ZNF496: variants seen among roughly 807,000 people sequenced by gnomAD.
The protein encoded by ZNF496 is NSD1 (nuclear receptor binding SET-domain containing 1)-interacting zinc finger protein 1.
A neutral mutation model predicts 58.9 loss-of-function variants in ZNF496; 11 were observed. The ratio of observed to expected loss-of-function variants is 0.19; its 90% CI spans 0.12 to 0.31. The LOEUF (loss-of-function observed/expected upper bound fraction) is 0.31, where lower values mean the gene tolerates loss of function less well. Ranked by LOEUF, ZNF496 falls within the 10% of genes least tolerant of loss-of-function variation. ZNF496 has a pLI of 1.00. For synonymous variants in ZNF496, 338 were observed against 318.2 expected, an observed-to-expected ratio of 1.06 and a Z score of -0.66; for missense variants, 660 against 783.0, an observed-to-expected ratio of 0.84 and a Z score of 1.88.
chr1:247,308,629 C>T lies in ZNF496; in HGVS notation c.893-41G>A. 1 of 1,568,436 alleles carries T rather than the reference C, an allele frequency of 6.4e-7. No individual in the cohort carries two copies. The highest frequency in any genetic ancestry group is 8.8e-7 in the Non-Finnish European group (1 of 1,139,048). On this transcript the variant is annotated intron_variant, in intron 8 of 9. Transcript: ENST00000682384. This position sits in a 1 kb window ranked among gnomAD's most constrained non-coding sequence, Gnocchi z 4.5. Reference sequence around the variant, plus strand: ...AATGGAAAAATTGATTTGTTTTGCACCTACAGCACTACCTGGGAGGGTGCT... The same window carrying T: ...AATGGAAAAATTGATTTGTTTTGCATCTACAGCACTACCTGGGAGGGTGCT...
At chr1:247,314,512 T>C (rs1659709755) in intron 6 of ZNF496, among the ~76,000 whole-genome samples, 1 of 152,252 alleles carries the variant, frequency 6.6e-6, no homozygotes, top group Non-Finnish European at 1.5e-5. Flanking sequence ...AATAAAGCAG[T>C]CCTTTATATA....
In ZNF496 at chr1:247,309,472, A is replaced by T; in HGVS notation, c.892+227T>A. On this transcript the variant is annotated intron_variant, in intron 8 of 9. Coordinates refer to ENST00000682384, the MANE Select transcript of ZNF496 (RefSeq NM_032752.3). This position sits in a 1 kb window ranked among gnomAD's most constrained non-coding sequence, Gnocchi z 4.3. ...GAGAAAGACATTCCTATTATTTCCC[A>T]GTCCTTGGCCAAGGGAGTACAATTC... The T allele has an allele frequency of 7.3e-7, 1 of 1,378,258 alleles. No homozygotes were observed. The highest frequency in any genetic ancestry group is 9.3e-7 in the Non-Finnish European group (1 of 1,069,784). The allele number at this position is 1,378,258 out of a possible 1,614,324, so 85.4% of individuals were successfully genotyped here. A position where few individuals can be genotyped will look rare whatever the true frequency, so the allele number is the denominator to read the frequency against.
chr1:247,325,853 A>G (rs1306888619), intron 5 of ZNF496, among the ~76,000 whole-genome samples: 1 of 151,958 alleles, frequency 6.6e-6, no homozygotes, highest in Non-Finnish European at 1.5e-5. Flanking sequence ...ATATGTAGCT[A>G]TCCCAGATAT....
At chr1:247,313,501 C>T (rs1659673483) in intron 6 of ZNF496, 2 of 152,276 alleles carry the variant, frequency 1.3e-5, no homozygotes, top group Admixed American at 6.5e-5. Flanking sequence ...AGAAACAGGT[C>T]TTCCTCCTCA....
At chr1:247,330,310 G>C (rs1660279235) in intron 2 of ZNF496, among the ~76,000 whole-genome samples, 1 of 152,190 alleles carries the variant, frequency 6.6e-6, no homozygotes, top group Non-Finnish European at 1.5e-5. Flanking sequence ...AGTATCAGTG[G>C]TTTCCTATGA....
In ZNF496 at chr1:247,300,265, C is replaced by T. The variant is rs1223542506; in HGVS notation, c.*254G>A. 4.9e-6 allele frequency: 2 copies of T among 404,166 alleles called. No homozygotes were observed. Among genetic ancestry groups the T allele is most frequent in the Non-Finnish European group, 8.8e-6 (2 of 226,458 alleles). The allele number at this position is 404,166 out of a possible 1,614,324, so 25.0% of individuals were successfully genotyped here. On this transcript the variant is annotated 3_prime_UTR_variant, in exon 10 of 10. Coordinates refer to ENST00000682384, the MANE Select transcript of ZNF496 (RefSeq NM_032752.3). The surrounding 1 kb of genome is among the most constrained non-coding windows in gnomAD (Gnocchi z 5.7). ...CTAAGACGCAGAACACCTGGCATGT[C>T]CAACCTGGTGATGGCACATCCCCCC...
chr1:247,320,092 T>G (rs914834047), intron 6 of ZNF496, among the ~76,000 whole-genome samples: 1 of 152,146 alleles, frequency 6.6e-6, no homozygotes, highest in African/African-American at 2.4e-5. Flanking sequence ...CTTACAAAAC[T>G]TACCAACTTT....
intron 5 of ZNF496, among the ~76,000 whole-genome samples, chr1:247,323,654 T>C (rs1451784227): frequency 1.3e-5 from 2 of 151,912 alleles, no homozygotes; most frequent in African/African-American, 4.8e-5. Context: ...TGGTGGTACA[T>C]GCCTGTAATC....
intron 2 of ZNF496, among the ~76,000 whole-genome samples, chr1:247,330,717 C>T (rs1021975992): frequency 4.6e-5 from 7 of 152,258 alleles, no homozygotes; most frequent in Admixed American, 1.3e-4. Flanking sequence ...ATCCTTAGGA[C>T]CGGCAGTGCC....
Position 247,309,349 on chromosome 1 carries a change from C to G in ZNF496, c.892+350G>C. The G allele has an allele frequency of 7.3e-6, 8 of 1,092,888 alleles. No individual in the cohort carries two copies. Among genetic ancestry groups the G allele is most frequent in the Non-Finnish European group, 8.9e-6 (8 of 894,188 alleles). 67.7% of individuals were successfully genotyped at this position (1,092,888 alleles called of 1,614,324 possible). On this transcript the variant is annotated intron_variant, in intron 8 of 9. Coordinates refer to ENST00000682384, the MANE Select transcript of ZNF496 (RefSeq NM_032752.3). The surrounding 1 kb of genome is among the most constrained non-coding windows in gnomAD (Gnocchi z 4.3). Reference sequence around the variant, plus strand: ...CTGCGCTCGGTGCCCAGTTAGGAGACACTCCCTCTGCAACTAGGCTTGTCA... The same window carrying G: ...CTGCGCTCGGTGCCCAGTTAGGAGAGACTCCCTCTGCAACTAGGCTTGTCA...
Position 247,329,460 on chromosome 1 carries a change from G to C in ZNF496, c.119C>G (p.Ser40Cys), listed in dbSNP as rs1660246912. The part of the protein sequence containing the change: ...SPQGELPSPE[S>C]SRRLFRRFRY... ...GAAACGGCGGAAGAGACGCCGAGAG[G>C]ACTCGGGGCTGGGAAGCTCCCCCTG... The change falls in exon 4 of 10, where the codon TCC (serine) becomes TGC (cysteine). Residue 40 changes from serine to cysteine, a missense_variant. Ser to Cys is a moderately radical substitution (Grantham distance 112). Coordinates refer to ENST00000682384, the MANE Select transcript of ZNF496 (RefSeq NM_032752.3). The surrounding 1 kb of genome is among the most constrained non-coding windows in gnomAD (Gnocchi z 5.5). 1 of 1,611,820 alleles carries C rather than the reference G, an allele frequency of 6.2e-7. No homozygotes were observed. The highest frequency in any genetic ancestry group is 8.5e-7 in the Non-Finnish European group (1 of 1,179,190).
intron 5 of ZNF496, among the ~76,000 whole-genome samples, chr1:247,326,673 A>G (rs1002651325): frequency 6.6e-6 from 1 of 152,074 alleles, no homozygotes; most frequent in African/African-American, 2.4e-5. Context: ...TCAAATTCCT[A>G]TGTTGAAGCC....
chr1:247,298,454 G>T lies in ZNF496; in HGVS notation c.*2065C>A. 6.6e-6 allele frequency: 1 copy of T among 152,458 alleles called. No homozygotes were observed. The highest frequency in any genetic ancestry group is 1.5e-5 in the Non-Finnish European group (1 of 68,156). 9.4% of individuals were successfully genotyped at this position (152,458 alleles called of 1,614,324 possible). On this transcript the variant is annotated 3_prime_UTR_variant, in exon 10 of 10. Transcript: ENST00000682384. ...TCCCACCTCAGCCTCCAGAGTAGCT[G>T]GGACCGCAAACGTCAACACCACACC...
Position 247,299,780 on chromosome 1 carries a change from T to C in ZNF496, c.*739A>G, listed in dbSNP as rs1456905236. ...GCAACACAAATTAAAATGTAAGCTT[T>C]GTTTTTGGTGAGCTCCAGATCCCTA... On this transcript the variant is annotated 3_prime_UTR_variant, in exon 10 of 10. Coordinates refer to ENST00000682384, the MANE Select transcript of ZNF496 (RefSeq NM_032752.3). The C allele has an allele frequency of 6.6e-6, 1 of 152,238 alleles. No homozygotes were observed. Among genetic ancestry groups the C allele is most frequent in the African/African-American group, 2.4e-5 (1 of 41,456 alleles). The allele number at this position is 152,238 out of a possible 1,614,324, so 9.4% of individuals were successfully genotyped here. A position where few individuals can be genotyped will look rare whatever the true frequency, so the allele number is the denominator to read the frequency against.
At chr1:247,307,528 T>C (rs1659452793) in intron 9 of ZNF496, 1 of 985,268 alleles carries the variant, frequency 1.0e-6, no homozygotes, top group Non-Finnish European at 1.2e-6. Context: ...CCCAAATGAA[T>C]GCATCACTCT....
chr1:247,309,986 G>A lies in ZNF496; in HGVS notation c.785-180C>T. ...AGTGGGGGCAGCACACGCAGGGAGA[G>A]CTATGGGCTTGGGGGTCTCTCTGAG... On this transcript the variant is annotated intron_variant, in intron 7 of 9. Coordinates refer to ENST00000682384, the MANE Select transcript of ZNF496 (RefSeq NM_032752.3). The surrounding 1 kb of genome is among the most constrained non-coding windows in gnomAD (Gnocchi z 4.3). 1 of 1,352,358 alleles carries A rather than the reference G, an allele frequency of 7.4e-7. No individual in the cohort carries two copies. Among genetic ancestry groups the A allele is most frequent in the South Asian group, 1.5e-5 (1 of 65,154 alleles). 83.8% of individuals were successfully genotyped at this position (1,352,358 alleles called of 1,614,324 possible).
rs1024267985 is a variant in ZNF496, at chr1:247,300,420, C to G, written c.*99G>C. 7 of 1,356,042 alleles carry G rather than the reference C, an allele frequency of 5.2e-6. No individual in the cohort carries two copies. The African/African-American group carries it at 5.8e-5, about 11-fold the overall frequency. The allele number at this position is 1,356,042 out of a possible 1,614,324, so 84.0% of individuals were successfully genotyped here. A position where few individuals can be genotyped will look rare whatever the true frequency, so the allele number is the denominator to read the frequency against. On this transcript the variant is annotated 3_prime_UTR_variant, in exon 10 of 10. Coordinates refer to ENST00000682384, the MANE Select transcript of ZNF496 (RefSeq NM_032752.3). This position sits in a 1 kb window ranked among gnomAD's most constrained non-coding sequence, Gnocchi z 5.7. ...AGCAAGGACAGGAGGGAGGTGTGCT[C>G]TCTATCCTGGGGAAGGTATGTCCTG...
At chr1:247,324,194 T>A (rs1367740178) in intron 5 of ZNF496, among the ~76,000 whole-genome samples, 1 of 151,362 alleles carries the variant, frequency 6.6e-6, no homozygotes, top group Non-Finnish European at 1.5e-5. Flanking sequence ...CTGAAAGACA[T>A]GCTACGAGCA....
In ZNF496 at chr1:247,308,211, C is replaced by T. The variant is rs1400157916; in HGVS notation, c.1006+264G>A. Reference sequence around the variant, plus strand: ...CTAAGAACACCACAGCAGAGGTCGGCGGGGATCCTGAGGGGTTCAGTTCCT... The same window carrying T: ...CTAAGAACACCACAGCAGAGGTCGGTGGGGATCCTGAGGGGTTCAGTTCCT... On this transcript the variant is annotated intron_variant, in intron 9 of 9. Coordinates refer to ENST00000682384, the MANE Select transcript of ZNF496 (RefSeq NM_032752.3). This position sits in a 1 kb window ranked among gnomAD's most constrained non-coding sequence, Gnocchi z 4.5. Among the ~76,000 whole-genome samples the T allele has an allele frequency of 6.6e-6, 1 of 152,094 alleles. No individual in the cohort carries two copies. The highest frequency in any genetic ancestry group is 2.4e-5 in the African/African-American group (1 of 41,404).
Sources: gnomAD v4.1 joint callset for allele counts (sites outside exome capture counted in the v4.1 genomes callset) on GRCh38, gnomAD v4.1.1 for gene constraint, Gnocchi (gnomAD v3.1) non-coding constraint, MANE v1.5 for transcripts, NCBI Gene and HGNC (gene_info 2026-07-23, HGNC 2026-07-21) for gene names.